OVCH2: variants seen among roughly 807,000 people sequenced by gnomAD.
OVCH2 encodes ovochymase-2.
OVCH2 carries 88 observed loss-of-function variants against 73.7 expected under a neutral mutation model. That is an observed-to-expected ratio of 1.19 (90% confidence interval 1.01 to 1.43). The LOEUF (loss-of-function observed/expected upper bound fraction) is 1.43, where lower values mean the gene tolerates loss of function less well. Among genes scored for constraint, OVCH2 ranks in the 40% most tolerant of loss-of-function variants. The probability of loss-of-function intolerance (pLI) is 0.00; values close to 1 mark genes in which losing one functional copy is unlikely to be tolerated. For missense variants in OVCH2, 706 were observed against 674.5 expected (o/e 1.05, Z -0.52); for synonymous variants, 265 against 234.5 (o/e 1.13, Z -1.19).
downstream of OVCH2, among the ~76,000 whole-genome samples, chr11:7,685,962 C>T (rs1856138040): frequency 6.6e-6 from 1 of 151,766 alleles, no homozygotes; most frequent in African/African-American, 2.4e-5. Flanking sequence ...GCCAGGTTGT[C>T]ATTGAAAAAA....
At chr11:7,694,938 G>A (rs527634539) in intron 12 of OVCH2, 120 bp downstream of exon 12, 2 of 1,158,482 alleles carry the variant, frequency 1.7e-6, no homozygotes, top group African/African-American at 3.2e-5. Context: ...TCAGGTGCTG[G>A]GTTCTAGGTA....
At chr11:7,697,295 G>A (rs1439256965) in intron 8 of OVCH2, among the ~76,000 whole-genome samples, 2 of 152,162 alleles carry the variant, frequency 1.3e-5, no homozygotes, top group Non-Finnish European at 2.9e-5. Context: ...TCCCACCTGA[G>A]CCTCCCAAAT....
intron 12 of OVCH2, among the ~76,000 whole-genome samples, chr11:7,693,609 A>G: frequency 6.6e-6 from 1 of 152,202 alleles, no homozygotes; most frequent in East Asian, 1.9e-4. Flanking sequence ...AAACATGCTC[A>G]CAACCTAAAT....
chr11:7,704,566 T>C lies in OVCH2; in HGVS notation c.197A>G (p.Gln66Arg), dbSNP rs1856498783. The change falls in exon 2 of 16, where the codon CAG becomes CGG. Residue 66 changes from glutamine (Q) to arginine (R), a missense_variant and splice_region_variant. Physicochemically the swap from Gln to Arg is conservative, Grantham distance 43. Transcript: ENST00000533663. Reference sequence around the variant, plus strand: ...TGCATAGAAGTCCTTGAGACTCACCTGCCAGGGATAGGAACCCTTCTCCAC... The same window carrying C: ...TGCATAGAAGTCCTTGAGACTCACCCGCCAGGGATAGGAACCCTTCTCCAC... ...SQVEKGSYPW[Q>R]VSLKQRQKHI... 1 of 1,597,468 alleles carries C rather than the reference T, an allele frequency of 6.3e-7. No homozygotes were observed. The highest frequency in any genetic ancestry group is 8.6e-7 in the Non-Finnish European group (1 of 1,166,348).
At chr11:7,695,786 A>G in intron 10 of OVCH2, 76 bp from the exon 11 acceptor site, 1 of 1,531,194 alleles carries the variant, frequency 6.5e-7, no homozygotes. Flanking sequence ...AGAAGAACTG[A>G]ATTTGCCATG....
rs192321712 is a variant in OVCH2, at chr11:7,697,814, G to A, written c.925+936C>T. ...AAGAATTTCATACGTCCATGCATTT[G>A]TCCCCTCGCAACCCATCCCCTACAT... is the stretch of plus-strand genomic sequence containing the variant. On this transcript the variant is annotated intron_variant, in intron 8 of 15. Transcript: ENST00000533663. Among the ~76,000 whole-genome samples, 45 of 151,884 alleles carry A rather than the reference G, an allele frequency of 3.0e-4. No homozygotes were observed. In the East Asian group the frequency reaches 7.7e-3, roughly 26 times the overall value.
In OVCH2 at chr11:7,695,118, G is replaced by A. The variant is rs1368983915; in HGVS notation, c.1353C>T (p.Asn451=). The part of the protein sequence containing the change: ...GLIQSLNYPE[N]YSDKANCDWI... Reference sequence around the variant, plus strand: ...AGTCACAGTTAGCCTTGTCACTGTAGTTTTCAGGATAGTTTAGACTCTGTA... The same window carrying A: ...AGTCACAGTTAGCCTTGTCACTGTAATTTTCAGGATAGTTTAGACTCTGTA... Residue 451 remains asparagine, a synonymous_variant, in exon 12 of 16, where the codon AAC becomes AAT. Coordinates refer to ENST00000533663, the MANE Select transcript of OVCH2 (RefSeq NM_198185.7). 1 of 1,553,498 alleles carries A rather than the reference G, an allele frequency of 6.4e-7. No homozygotes were observed. Among genetic ancestry groups the A allele is most frequent in the East Asian group, 2.4e-5 (1 of 41,158 alleles).
chr11:7,691,737 T>C (rs1456839271), intron 13 of OVCH2, among the ~76,000 whole-genome samples, 165 bp downstream of exon 13: 1 of 152,152 alleles, frequency 6.6e-6, no homozygotes, highest in Non-Finnish European at 1.5e-5. Context: ...CCTTTTTCTC[T>C]TCCTGCCCCT....
At position 7,703,681 on chromosome 11, in the gene OVCH2, G is replaced by A. The variant is rs757041733; in HGVS notation, c.290+17C>T. ...AATGGTGGTGTGGTCTTCACTCATG[G>A]GCTAGGCCTTTCTTACCTGTTTGCA... On this transcript the variant is annotated intron_variant, in intron 3 of 15. Coordinates refer to ENST00000533663, the MANE Select transcript of OVCH2 (RefSeq NM_198185.7). 53 of 1,580,978 alleles carry A rather than the reference G, an allele frequency of 3.4e-5. No individual in the cohort carries two copies. Among genetic ancestry groups the A allele is most frequent in the Non-Finnish European group, 4.6e-5 (53 of 1,162,648 alleles).
intron 6 of OVCH2, among the ~76,000 whole-genome samples, chr11:7,701,116 C>T (rs1193129480): frequency 3.3e-5 from 5 of 152,186 alleles, no homozygotes; most frequent in Non-Finnish European, 7.4e-5. Context: ...AGGTGAGCCT[C>T]TTAGGGAAAT....
At chr11:7,694,739 G>A (rs1046864674) in intron 12 of OVCH2, among the ~76,000 whole-genome samples, 8 of 151,026 alleles carry the variant, frequency 5.3e-5, no homozygotes, top group African/African-American at 1.9e-4. Context: ...AGCCTCCCGA[G>A]TAGCTGGGAT....
Position 7,695,128 on chromosome 11 carries a change from T to G in OVCH2, c.1343A>C (p.Tyr448Ser). 1 of 1,554,946 alleles carries G rather than the reference T, an allele frequency of 6.4e-7. No homozygotes were observed. The highest frequency in any genetic ancestry group is 1.2e-5 in the South Asian group (1 of 84,076). Residue 448 changes from tyrosine to serine, a missense_variant, in exon 12 of 16, where the codon TAT (tyrosine) becomes TCT (serine). Transcript: ENST00000533663. ...FEEGLIQSLN[Y>S]PENYSDKANC... The stretch of plus-strand genomic sequence containing the variant: ...AGCCTTGTCACTGTAGTTTTCAGGA[T>G]AGTTTAGACTCTGTATGAGACCTTC...
chr11:7,695,164 A>G lies in OVCH2; in HGVS notation c.1307T>C (p.Val436Ala). The G allele has an allele frequency of 6.4e-7, 1 of 1,560,410 alleles. No individual in the cohort carries two copies. The highest frequency in any genetic ancestry group is 8.7e-7 in the Non-Finnish European group (1 of 1,152,442). Reference sequence around the variant, plus strand: ...CTGTATGAGACCTTCTTCAAAAAGGACAGTTAAGTAACTGCAACCTGAATC... The same window carrying G: ...CTGTATGAGACCTTCTTCAAAAAGGGCAGTTAAGTAACTGCAACCTGAATC... ...IPDSGCSYLTVLFEEGLIQSL... is the reference protein window; with the variant it reads ...IPDSGCSYLTALFEEGLIQSL... The change falls in exon 12 of 16, where the codon GTC becomes GCC. Residue 436 changes from valine (V) to alanine (A), a missense_variant. Val to Ala is a moderately conservative substitution (Grantham distance 64, BLOSUM62 0). Transcript: ENST00000533663.
At chr11:7,694,812 T>TTTC (rs1252967123) in intron 12 of OVCH2, among the ~76,000 whole-genome samples, 1 of 149,044 alleles carries the variant, frequency 6.7e-6, no homozygotes, top group Non-Finnish European at 1.5e-5. Flanking sequence ...ACTTTTTTTT[T>TTTC]TTTTTTTTTT....
downstream of OVCH2, among the ~76,000 whole-genome samples, chr11:7,687,316 A>ATAG (rs1856153386): frequency 6.7e-6 from 1 of 148,764 alleles, no homozygotes; most frequent in South Asian, 2.1e-4. Context: ...GGAAATAATA[A>ATAG]TAATAATAAT....
At chr11:7,687,421 G>C (rs191451069), downstream of OVCH2, among the ~76,000 whole-genome samples, 4 of 152,022 alleles carry the variant, frequency 2.6e-5, no homozygotes, top group African/African-American at 9.7e-5. Context: ...CTAGTGTATC[G>C]GAACTGCTTC....
At chr11:7,706,093 T>C (rs965593172) in intron 1 of OVCH2, 15 of 465,154 alleles carry the variant, frequency 3.2e-5, no homozygotes, top group African/African-American at 3.1e-4. Context: ...GTTTACTTAA[T>C]TGGATACATT....
the OVCH2 span, among the ~76,000 whole-genome samples, chr11:7,682,574 C>G: frequency 6.6e-6 from 1 of 152,176 alleles, no homozygotes; most frequent in Non-Finnish European, 1.5e-5. Context: ...ATACATTTTT[C>G]CTCTGCATTT....
chr11:7,703,674 A>G, intron 3 of OVCH2, 24 bp downstream of exon 3: 1 of 1,557,732 alleles, frequency 6.4e-7, no homozygotes, highest in Non-Finnish European at 8.7e-7. Context: ...TGTGGTCTTC[A>G]CTCATGGGCT....
Sources: allele counts gnomAD v4.1 joint callset (sites outside exome capture counted in the v4.1 genomes callset), GRCh38; gene constraint gnomAD v4.1.1; transcripts MANE v1.5; gene names NCBI Gene and HGNC (gene_info 2026-07-23, HGNC 2026-07-21).